COL26A1: variants seen among roughly 807,000 people sequenced by gnomAD.
The protein encoded by COL26A1 is collagen type XXVI alpha 1 chain.
Under a neutral mutation model 59.3 loss-of-function variants are expected in COL26A1, and 41 were observed. The ratio of observed to expected loss-of-function variants is 0.69; its 90% confidence interval spans 0.54 to 0.90. COL26A1 has a LOEUF of 0.90. Among genes scored for constraint, COL26A1 ranks in the 40% least tolerant of loss-of-function variants. The pLI, the probability that COL26A1 is intolerant of heterozygous loss-of-function variation, is 0.00. For synonymous variants in COL26A1, 266 were observed against 256.0 expected, an observed-to-expected ratio of 1.04 and a Z score of -0.37; for missense variants, 612 against 602.3, an observed-to-expected ratio of 1.02 and a Z score of -0.17.
rs1219061612 is a variant in COL26A1 at position 101,489,983 on chromosome 7, C to T, written c.385+42196C>T. 4.1e-5 allele frequency among the ~76,000 whole-genome samples: 6 copies of T among 147,094 alleles called. No homozygotes were observed. The Admixed American group carries it at 4.3e-4, about 10-fold the overall frequency. ...ATGGAGACTTGCACTATTGCCCAGGCTGGAGTGCAATGGCCCGATCTCGGC... is the reference window on the plus strand; with the variant it reads ...ATGGAGACTTGCACTATTGCCCAGGTTGGAGTGCAATGGCCCGATCTCGGC... On this transcript the variant is annotated intron_variant, in intron 3 of 12. Transcript: ENST00000313669.
chr7:101,362,962 G>C lies in COL26A1; in HGVS notation c.-71G>C. 6.8e-7 allele frequency: 1 copy of C among 1,472,294 alleles called. No individual in the cohort carries two copies. Among genetic ancestry groups the C allele is most frequent in the Non-Finnish European group, 9.0e-7 (1 of 1,110,916 alleles). The allele number at this position is 1,472,294 out of a possible 1,614,324, so 91.2% of individuals were successfully genotyped here. A position where few individuals can be genotyped will look rare whatever the true frequency, so the allele number is the denominator to read the frequency against. The stretch of plus-strand genomic sequence containing the variant: ...GCTCCCGGCCGGTGCCGCGGGTTCG[G>C]TCCGGGCGCCGGTGCGCTCCTGCCG... On this transcript the variant is annotated 5_prime_UTR_variant, in exon 1 of 13. Coordinates refer to ENST00000313669, the MANE Select transcript of COL26A1 (RefSeq NM_001278563.3).
chr7:101,537,148 CAG>C (rs777200351), intron 4 of COL26A1, among the ~76,000 whole-genome samples: 2 of 152,230 alleles, frequency 1.3e-5, no homozygotes, highest in African/African-American at 2.4e-5. Context: ...AGGCAACCCA[CAG>C]AGTCTGCTCC....
Position 101,544,852 on chromosome 7 carries a change from C to T in COL26A1, c.704-486C>T, listed in dbSNP as rs139398886. Among the ~76,000 whole-genome samples the T allele has an allele frequency of 1.9e-3, 288 of 152,220 alleles. 2 individuals are homozygous for T. The highest frequency in any genetic ancestry group is 6.9e-3 in the African/African-American group (285 of 41,524). On this transcript the variant is annotated intron_variant, in intron 6 of 12. Transcript: ENST00000313669. Reference sequence around the variant, plus strand: ...CTGGCCAAAACAGGGTCTTCAGGGGCTTCGGGTACAGGCATGAGCATCGAG... The same window carrying T: ...CTGGCCAAAACAGGGTCTTCAGGGGTTTCGGGTACAGGCATGAGCATCGAG...
At chr7:101,405,035 A>G (rs968214559) in intron 1 of COL26A1, among the ~76,000 whole-genome samples, 2 of 152,164 alleles carry the variant, frequency 1.3e-5, no homozygotes, top group African/African-American at 4.8e-5. Context: ...CATCCTGGCT[A>G]ACACGGTGAA....
chr7:101,519,843 C>T (rs1460951314), intron 3 of COL26A1, among the ~76,000 whole-genome samples: 1 of 152,180 alleles, frequency 6.6e-6, no homozygotes, highest in Non-Finnish European at 1.5e-5. Flanking sequence ...GTTTTGCTTG[C>T]TGAGAGCAGA....
intron 1 of COL26A1, among the ~76,000 whole-genome samples, chr7:101,414,506 C>G (rs572647177): frequency 6.6e-6 from 1 of 151,864 alleles, no homozygotes; most frequent in East Asian, 1.9e-4. Context: ...GGCACGAACT[C>G]GGCTCACTGC....
chr7:101,476,779 C>G (rs1407594313), intron 3 of COL26A1, among the ~76,000 whole-genome samples: 2 of 150,880 alleles, frequency 1.3e-5, no homozygotes, highest in African/African-American at 4.9e-5. Context: ...GATCTCCTGA[C>G]CTCGTGATCC....
intron 3 of COL26A1, among the ~76,000 whole-genome samples, chr7:101,459,466 A>ATTTTTTTTTTTTTTTTT (rs71286269): frequency 7.3e-6 from 1 of 136,092 alleles, no homozygotes; most frequent in Non-Finnish European, 1.5e-5. Flanking sequence ...CACCCGGCTA[A>ATTTTTTTTTTTTTTTTT]TTTTTTTTTT....
At chr7:101,394,580 CTTTTCTTTTTTTT>C (rs1791808179) in intron 1 of COL26A1, among the ~76,000 whole-genome samples, 1 of 116,406 alleles carries the variant, frequency 8.6e-6, no homozygotes, top group South Asian at 3.2e-4. Context: ...CTATTTTTTT[CTTTTCTTTTTTTT>C]TTTTTTTTTT....
intron 1 of COL26A1, among the ~76,000 whole-genome samples, 167 bp from the exon 2 acceptor site, chr7:101,419,810 T>C (rs1792467615): frequency 6.6e-6 from 1 of 152,094 alleles, no homozygotes; most frequent in Non-Finnish European, 1.5e-5. Context: ...AAGTGTTCTC[T>C]CTTCCCCTCA....
At chr7:101,491,175 A>G (rs1794452326) in intron 3 of COL26A1, among the ~76,000 whole-genome samples, 1 of 151,982 alleles carries the variant, frequency 6.6e-6, no homozygotes, top group Non-Finnish European at 1.5e-5. Context: ...CCTGCACGGC[A>G]TGGTCAGCTG....
chr7:101,453,996 C>T (rs912661544), intron 3 of COL26A1, among the ~76,000 whole-genome samples: 3 of 152,130 alleles, frequency 2.0e-5, no homozygotes, highest in Non-Finnish European at 4.4e-5. Flanking sequence ...ACTTTCCTTT[C>T]TACATATGTC....
At chr7:101,519,904 C>A (rs970321977) in intron 3 of COL26A1, among the ~76,000 whole-genome samples, 4 of 152,102 alleles carry the variant, frequency 2.6e-5, no homozygotes, top group Non-Finnish European at 5.9e-5. Context: ...GAAATGTGAT[C>A]CCCTGTGAAG....
chr7:101,455,605 C>G (rs6968890), intron 3 of COL26A1, among the ~76,000 whole-genome samples: 1 of 150,432 alleles, frequency 6.6e-6, no homozygotes, highest in African/African-American at 2.4e-5. Flanking sequence ...CAGGCTCAAG[C>G]GATTCTCTTG....
chr7:101,519,615 G>A (rs1458124627), intron 3 of COL26A1, among the ~76,000 whole-genome samples: 1 of 152,180 alleles, frequency 6.6e-6, no homozygotes, highest in Non-Finnish European at 1.5e-5. Context: ...CACTGAACAG[G>A]GAGCGGGGTC....
intron 3 of COL26A1, among the ~76,000 whole-genome samples, chr7:101,471,567 G>GTTGTTTTTTTTTTTTTTTTTTTTT (rs1485332913): frequency 8.9e-6 from 1 of 112,386 alleles, no homozygotes; most frequent in African/African-American, 3.5e-5. Context: ...TGTTGTTGTT[G>GTTGTTTTTTTTTTTTTTTTTTTTT]TTTGTTTTTT....
intron 2 of COL26A1, among the ~76,000 whole-genome samples, chr7:101,423,210 G>A (rs1792566197): frequency 6.6e-6 from 1 of 152,126 alleles, no homozygotes; most frequent in African/African-American, 2.4e-5. Flanking sequence ...AGGTTGTAGT[G>A]AGCCAAGATC....
At chr7:101,533,761 A>G (rs1795419165) in intron 4 of COL26A1, among the ~76,000 whole-genome samples, 1 of 151,882 alleles carries the variant, frequency 6.6e-6, no homozygotes, top group South Asian at 2.1e-4. Context: ...TCCCTCTGGG[A>G]GACGGTGGTT....
chr7:101,402,670 C>G (rs1036006907), intron 1 of COL26A1, among the ~76,000 whole-genome samples: 3 of 109,536 alleles, frequency 2.7e-5, no homozygotes, highest in Admixed American at 1.1e-4. Flanking sequence ...TTCCCTCCCT[C>G]CCTCCTTCCC....
Sources: gnomAD v4.1 joint callset for allele counts (sites outside exome capture counted in the v4.1 genomes callset) on GRCh38, gnomAD v4.1.1 for gene constraint, MANE v1.5 for transcripts, NCBI Gene and HGNC (gene_info 2026-07-23, HGNC 2026-07-21) for gene names.